The following ITSN1 variants were observed in gnomAD, a reference collection of about 807,000 sequenced individuals.
ITSN1 encodes the protein intersectin 1.
In ITSN1, 58 loss-of-function variants were observed where a neutral mutation model predicts 239.8. The observed-to-expected ratio is 0.24, with a 90% CI of 0.20 to 0.30. ITSN1 has a LOEUF of 0.30. Ranked by LOEUF, ITSN1 falls within the 10% of genes least tolerant of loss-of-function variation. The pLI is 1.00. For missense variants in ITSN1, 1,558 were observed against 2,103.3 expected (o/e 0.74, Z 5.07); for synonymous variants, 780 against 770.8 (o/e 1.01, Z -0.20).
At chr21:33,732,123 A>C (rs1892587) in intron 4 of ITSN1, among the ~76,000 whole-genome samples, 114 of 152,340 alleles carry the variant, frequency 7.5e-4, no homozygotes, top group African/African-American at 2.6e-3. Context: ...AATCAATAGA[A>C]GGGAATGTGT....
At chr21:33,763,526 A>T (rs2068515091) in intron 9 of ITSN1, among the ~76,000 whole-genome samples, 1 of 152,140 alleles carries the variant, frequency 6.6e-6, no homozygotes, top group Non-Finnish European at 1.5e-5. Flanking sequence ...TGAGCTCCAC[A>T]CCCAGCATGA....
At chr21:33,798,644 G>C (rs977106331) in intron 18 of ITSN1, among the ~76,000 whole-genome samples, 1 of 152,104 alleles carries the variant, frequency 6.6e-6, no homozygotes, top group African/African-American at 2.4e-5. Context: ...GGTCATCCAT[G>C]TGCTTCTTTA....
intron 1 of ITSN1, among the ~76,000 whole-genome samples, chr21:33,673,918 C>T (rs1020792661): frequency 6.6e-6 from 1 of 152,192 alleles, no homozygotes; most frequent in Non-Finnish European, 1.5e-5. Context: ...ACATCTTGCC[C>T]CAAATGGGAT....
At chr21:33,647,408 A>T (rs2088067177) in intron 1 of ITSN1, among the ~76,000 whole-genome samples, 1 of 151,954 alleles carries the variant, frequency 6.6e-6, no homozygotes, top group Admixed American at 6.5e-5. Context: ...ACATCTTGTC[A>T]TGAGTGTCTT....
intron 8 of ITSN1, among the ~76,000 whole-genome samples, chr21:33,756,444 G>A (rs897254655): frequency 1.3e-5 from 2 of 152,106 alleles, no homozygotes; most frequent in African/African-American, 4.8e-5. Flanking sequence ...TTCCTGTGTG[G>A]TGGAGTGGGG....
chr21:33,784,576 T>C (rs1569174533), intron 16 of ITSN1, among the ~76,000 whole-genome samples: 1 of 152,190 alleles, frequency 6.6e-6, no homozygotes. Flanking sequence ...TTAACACGCA[T>C]TTGGAGGACT....
chr21:33,734,114 T>TA (rs943730309), intron 4 of ITSN1, among the ~76,000 whole-genome samples: 2 of 152,286 alleles, frequency 1.3e-5, no homozygotes, highest in African/African-American at 2.4e-5. Flanking sequence ...AATATTGGTT[T>TA]AAAAAAATCC....
intron 1 of ITSN1, among the ~76,000 whole-genome samples, chr21:33,670,929 T>C (rs545776275): frequency 6.6e-6 from 1 of 152,336 alleles, no homozygotes; most frequent in Non-Finnish European, 1.5e-5. Flanking sequence ...TTTGGTAAAA[T>C]ACAAAACAGT....
At position 33,829,424 on chromosome 21, in the gene ITSN1, G is replaced by C. The variant is rs1263308550; in HGVS notation, c.3230-200G>C. 3 of 606,920 alleles carry C rather than the reference G, an allele frequency of 4.9e-6. No homozygotes were observed. In the African/African-American group the frequency reaches 5.5e-5, roughly 11 times the overall value. The allele number at this position is 606,920 out of a possible 1,614,324, so 37.6% of individuals were successfully genotyped here. A position where few individuals can be genotyped will look rare whatever the true frequency, so the allele number is the denominator to read the frequency against. On this transcript the variant is annotated intron_variant, in intron 26 of 39. Transcript: ENST00000381318. Reference sequence around the variant, plus strand: ...CAGCCCACTGAGGGCTCAAGGATCAGCCAGGCCCTTGAATGCCGTGTCTGC... The same window carrying C: ...CAGCCCACTGAGGGCTCAAGGATCACCCAGGCCCTTGAATGCCGTGTCTGC...
chr21:33,742,019 A>G (rs904177024), intron 5 of ITSN1, among the ~76,000 whole-genome samples: 2 of 151,694 alleles, frequency 1.3e-5, no homozygotes, highest in African/African-American at 4.8e-5. Flanking sequence ...TCTGTTACCC[A>G]GTGATGACCA....
chr21:33,650,147 A>T (rs530534738), intron 1 of ITSN1, among the ~76,000 whole-genome samples: 3 of 152,124 alleles, frequency 2.0e-5, no homozygotes, highest in Admixed American at 2.0e-4. Context: ...CAGGAGGACA[A>T]TGCTCTTGCT....
chr21:33,797,296 T>C lies in ITSN1; in HGVS notation c.1953-83T>C, dbSNP rs1185598367. The C allele has an allele frequency of 8.6e-7, 1 of 1,161,370 alleles. No individual in the cohort carries two copies. The highest frequency in any genetic ancestry group is 2.3e-5 in the East Asian group (1 of 42,702). The allele number at this position is 1,161,370 out of a possible 1,614,324, so 71.9% of individuals were successfully genotyped here. A position where few individuals can be genotyped will look rare whatever the true frequency, so the allele number is the denominator to read the frequency against. ...TGATGTTCCCATCCCATTTACTGGA[T>C]GGAGCTTTTTTTGTGAAAAGAGGCA... On this transcript the variant is annotated intron_variant, in intron 17 of 39. Transcript: ENST00000381318. This position sits in a 1 kb window ranked among gnomAD's most constrained non-coding sequence, Gnocchi z 4.9.
chr21:33,716,429 A>AGGCAGC (rs1025589887), intron 1 of ITSN1: 1 of 152,330 alleles, frequency 6.6e-6, no homozygotes, highest in African/African-American at 2.4e-5. Context: ...CTCCTCCTCA[A>AGGCAGC]GGCAGCACTT....
chr21:33,695,288 CT>C (rs2091746225), intron 1 of ITSN1, among the ~76,000 whole-genome samples: 1 of 152,190 alleles, frequency 6.6e-6, no homozygotes, highest in Admixed American at 6.5e-5. Context: ...TTGTGGTAAA[CT>C]TTCTGAACTA....
intron 16 of ITSN1, among the ~76,000 whole-genome samples, chr21:33,791,659 T>A (rs991821077): frequency 1.3e-5 from 2 of 152,172 alleles, no homozygotes; most frequent in African/African-American, 4.8e-5. Context: ...CATATCCAGT[T>A]ACAAGAGCCT....
intron 4 of ITSN1, among the ~76,000 whole-genome samples, chr21:33,727,268 G>A (rs1038337017): frequency 6.6e-6 from 1 of 152,126 alleles, no homozygotes; most frequent in South Asian, 2.1e-4. Context: ...GTGGAGGGGA[G>A]GAGAATAAAG....
chr21:33,710,365 C>T (rs1051396775), intron 1 of ITSN1, among the ~76,000 whole-genome samples: 1 of 151,902 alleles, frequency 6.6e-6, no homozygotes, highest in Non-Finnish European at 1.5e-5. Flanking sequence ...CCACCACACC[C>T]GGCCTGGTTT....
intron 34 of ITSN1, among the ~76,000 whole-genome samples, chr21:33,881,278 G>A (rs904261056): frequency 5.3e-5 from 8 of 152,014 alleles, no homozygotes; most frequent in Non-Finnish European, 1.0e-4. Context: ...GTGGTCGCGA[G>A]CACCTGTAGT....
At chr21:33,701,903 A>C (rs1411769374) in intron 1 of ITSN1, among the ~76,000 whole-genome samples, 1 of 151,672 alleles carries the variant, frequency 6.6e-6, no homozygotes. Flanking sequence ...CCCCGTCTCT[A>C]CTAAAAATAG....
Sources: gnomAD v4.1 joint callset for allele counts (sites outside exome capture counted in the v4.1 genomes callset) on GRCh38, gnomAD v4.1.1 for gene constraint, Gnocchi (gnomAD v3.1) non-coding constraint, MANE v1.5 for transcripts, NCBI Gene and HGNC (gene_info 2026-07-23, HGNC 2026-07-21) for gene names.